THSD4: variants seen among roughly 807,000 people sequenced by gnomAD.
THSD4 encodes the protein thrombospondin type 1 domain containing 4, also known as thrombospondin type-1 domain-containing protein 4.
Under a neutral mutation model 119.0 loss-of-function variants are expected in THSD4, and 69 were observed. The ratio of observed to expected loss-of-function variants is 0.58; its 90% CI spans 0.48 to 0.71. THSD4 has a LOEUF of 0.71. THSD4 is among the 30% of genes least tolerant of loss of function. The pLI is 0.00. For missense variants in THSD4, 1,393 were observed against 1,391.1 expected (o/e 1.00, Z -0.02); for synonymous variants, 524 against 540.4 (o/e 0.97, Z 0.42).
At chr15:71,141,326 C>T (rs2040601756) in intron 1 of THSD4, 123 bp from the exon 2 acceptor site, 1 of 558,512 alleles carries the variant, frequency 1.8e-6, no homozygotes, top group East Asian at 3.1e-5. Context: ...TCCTGGGAAC[C>T]ATAACTGGGC....
At chr15:71,167,326 A>G (rs2043303013) in intron 3 of THSD4, 1 of 152,256 alleles carries the variant, frequency 6.6e-6, no homozygotes, top group Non-Finnish European at 1.5e-5. Context: ...TTGTAGCACA[A>G]AGCCAGCCAT....
At chr15:71,670,150 T>C (rs2051494133) in intron 8 of THSD4, among the ~76,000 whole-genome samples, 1 of 152,120 alleles carries the variant, frequency 6.6e-6, no homozygotes, top group South Asian at 2.1e-4. Flanking sequence ...GTTACATATG[T>C]ATACCTGTGC....
intron 14 of THSD4, 114 bp downstream of exon 14, chr15:71,748,708 G>C: frequency 7.7e-7 from 1 of 1,299,370 alleles, no homozygotes; most frequent in Non-Finnish European, 1.0e-6. Flanking sequence ...GGCTCTGGGG[G>C]GAAAAAAAAG....
intron 14 of THSD4, 41 bp from the exon 15 acceptor site, chr15:71,757,861 C>T (rs1595922898): frequency 6.8e-6 from 11 of 1,607,646 alleles, no homozygotes; most frequent in Non-Finnish European, 9.3e-6. Context: ...TCAGCAGCTG[C>T]CAGGGCCTCC....
chr15:71,359,294 C>G (rs1421179156), intron 6 of THSD4, among the ~76,000 whole-genome samples: 2 of 152,240 alleles, frequency 1.3e-5, no homozygotes, highest in East Asian at 3.8e-4. Flanking sequence ...ATTCGCATCA[C>G]TGTCCTCTTA....
chr15:71,448,576 A>C (rs547747860), intron 7 of THSD4, among the ~76,000 whole-genome samples: 1 of 152,146 alleles, frequency 6.6e-6, no homozygotes, highest in South Asian at 2.1e-4. Flanking sequence ...ATTTTTGTGG[A>C]TACATAGTAG....
chr15:71,192,440 G>A (rs142672139), intron 3 of THSD4, among the ~76,000 whole-genome samples: 1,555 of 151,776 alleles, frequency 0.01, 24 homozygotes, highest in African/African-American at 0.035. Flanking sequence ...GCGCCAACAC[G>A]CCTGGATAAT....
intron 6 of THSD4, among the ~76,000 whole-genome samples, chr15:71,293,958 G>T (rs889496526): frequency 3.3e-5 from 5 of 151,932 alleles, no homozygotes; most frequent in Non-Finnish European, 7.4e-5. Context: ...TGAATCCTGG[G>T]GCAGGGCACT....
intron 6 of THSD4, among the ~76,000 whole-genome samples, chr15:71,376,040 G>A (rs1227735770): frequency 6.6e-6 from 1 of 152,202 alleles, no homozygotes; most frequent in Admixed American, 6.5e-5. Context: ...AATAGAGTTT[G>A]TCTCCTGCTA....
At chr15:71,430,618 G>A (rs549286952) in intron 7 of THSD4, among the ~76,000 whole-genome samples, 6 of 151,928 alleles carry the variant, frequency 3.9e-5, no homozygotes, top group South Asian at 2.1e-4. Flanking sequence ...TTAGCTGGGC[G>A]TGGTGGTGCC....
chr15:71,754,958 A>C (rs1292302437), intron 14 of THSD4, among the ~76,000 whole-genome samples: 2 of 152,120 alleles, frequency 1.3e-5, no homozygotes, highest in Non-Finnish European at 2.9e-5. Flanking sequence ...AATATGGGGG[A>C]AATTGACAGA....
intron 5 of THSD4, among the ~76,000 whole-genome samples, chr15:71,251,176 G>A (rs771174812): frequency 6.6e-5 from 10 of 152,100 alleles, no homozygotes; most frequent in Non-Finnish European, 1.2e-4. Flanking sequence ...CGAAATTTTG[G>A]CCCATGGTTT....
At chr15:71,336,037 C>A (rs145412430) in intron 6 of THSD4, among the ~76,000 whole-genome samples, 3 of 152,124 alleles carry the variant, frequency 2.0e-5, no homozygotes, top group Non-Finnish European at 4.4e-5. Flanking sequence ...GAGATCACCT[C>A]GGTGGATGGC....
At chr15:71,609,851 C>CAAAAAAAAAA (rs369430349) in intron 7 of THSD4, among the ~76,000 whole-genome samples, 3 of 115,556 alleles carry the variant, frequency 2.6e-5, no homozygotes, top group East Asian at 2.5e-4. Flanking sequence ...GACTCCGTCT[C>CAAAAAAAAAA]AAAAAAAAAA....
chr15:71,325,502 G>A (rs2045326104), intron 6 of THSD4, among the ~76,000 whole-genome samples: 1 of 152,188 alleles, frequency 6.6e-6, no homozygotes, highest in Non-Finnish European at 1.5e-5. Flanking sequence ...TGAAAAGGAT[G>A]CAAGGAACCT....
At chr15:71,488,180 T>C (rs1329511040) in intron 7 of THSD4, among the ~76,000 whole-genome samples, 1 of 152,214 alleles carries the variant, frequency 6.6e-6, no homozygotes, top group Non-Finnish European at 1.5e-5. Context: ...TTCTAATATA[T>C]TTGAATATTT....
chr15:71,355,046 A>C (rs1428024586), intron 6 of THSD4, among the ~76,000 whole-genome samples: 1 of 152,176 alleles, frequency 6.6e-6, no homozygotes, highest in Non-Finnish European at 1.5e-5. Flanking sequence ...AAGCATTACA[A>C]ATGTTTCGTA....
rs190500426 is a variant in THSD4, at chr15:71,459,004, A to G, written c.1152+47181A>G. 6.7e-4 allele frequency among the ~76,000 whole-genome samples: 102 copies of G among 152,174 alleles called. 1 individual carries two copies. Among genetic ancestry groups the G allele is most frequent in the Non-Finnish European group, 1.1e-3 (76 of 68,004 alleles). ...CAGATGGAACTTTCTCTGCTTGACT[A>G]TGTTTTATTTATAATTAACACTTGG... is the stretch of plus-strand genomic sequence containing the variant. On this transcript the variant is annotated intron_variant, in intron 7 of 17. Transcript: ENST00000261862.
intron 7 of THSD4, among the ~76,000 whole-genome samples, chr15:71,474,574 A>T (rs1002954150): frequency 2.6e-5 from 4 of 152,172 alleles, no homozygotes; most frequent in Admixed American, 1.3e-4. Flanking sequence ...TCATGCAACC[A>T]GTCCACCGTT....
Sources: allele counts gnomAD v4.1 joint callset (sites outside exome capture counted in the v4.1 genomes callset), GRCh38; gene constraint gnomAD v4.1.1; transcripts MANE v1.5; gene names NCBI Gene and HGNC (gene_info 2026-07-23, HGNC 2026-07-21).